ARHGAP10: variants seen among roughly 807,000 people sequenced by gnomAD.
ARHGAP10 encodes Rho GTPase activating protein 10, also known as rho GTPase-activating protein 10.
Under a neutral mutation model 108.6 loss-of-function variants are expected in ARHGAP10, and 87 were observed. The ratio of observed to expected loss-of-function variants is 0.80; its 90% CI spans 0.67 to 0.96. The LOEUF (loss-of-function observed/expected upper bound fraction) is 0.96. Among genes scored for constraint, ARHGAP10 ranks in the 40% least tolerant of loss-of-function variants. The probability of loss-of-function intolerance (pLI) is 0.00; values close to 1 mark genes in which losing one functional copy is unlikely to be tolerated. For missense variants in ARHGAP10, 939 were observed against 954.5 expected, an observed-to-expected ratio of 0.98 and a Z score of 0.21; for synonymous variants, 347 against 341.1, an observed-to-expected ratio of 1.02 and a Z score of -0.19.
chr4:147,782,477 C>T (rs1210733410), intron 1 of ARHGAP10: 2 of 152,182 alleles, frequency 1.3e-5, no homozygotes, highest in Non-Finnish European at 2.9e-5. Flanking sequence ...CAGAAAGAGT[C>T]GTCTTAACAT....
chr4:147,894,989 G>A (rs1057228504), intron 10 of ARHGAP10, among the ~76,000 whole-genome samples: 6 of 152,016 alleles, frequency 3.9e-5, no homozygotes, highest in African/African-American at 7.2e-5. Context: ...TAGGTCCTTG[G>A]TGTTTCCATA....
At chr4:147,811,200 C>T (rs2126772261) in intron 1 of ARHGAP10, among the ~76,000 whole-genome samples, 1 of 152,366 alleles carries the variant, frequency 6.6e-6, no homozygotes, top group African/African-American at 2.4e-5. Flanking sequence ...TCAGTCCCAC[C>T]CAAGTCAGAC....
At position 148,060,747 on chromosome 4, in the gene ARHGAP10, T is replaced by G. The variant is rs542702771; in HGVS notation, c.2028-2401T>G. Among the ~76,000 whole-genome samples, 4 of 152,324 alleles carry G rather than the reference T, an allele frequency of 2.6e-5. No homozygotes were observed. In the East Asian group the frequency reaches 7.7e-4, roughly 29 times the overall value. ...AAAGGAGTTACCTAGTAGAGGCTTC[T>G]GAGACACACCCAGGAAATCACATGC... is the stretch of plus-strand genomic sequence containing the variant. On this transcript the variant is annotated intron_variant, in intron 20 of 22. Coordinates refer to ENST00000336498, the MANE Select transcript of ARHGAP10 (RefSeq NM_024605.4).
At chr4:147,815,221 C>T (rs1732188939) in intron 1 of ARHGAP10, among the ~76,000 whole-genome samples, 1 of 152,186 alleles carries the variant, frequency 6.6e-6, no homozygotes. Context: ...TCCACTACTT[C>T]CTGGTTGTAT....
intron 1 of ARHGAP10, among the ~76,000 whole-genome samples, chr4:147,793,595 T>G (rs1313781207): frequency 6.6e-6 from 1 of 152,108 alleles, no homozygotes; most frequent in Non-Finnish European, 1.5e-5. Flanking sequence ...GAGTAGGGAA[T>G]AAAAGTACTC....
intron 3 of ARHGAP10, among the ~76,000 whole-genome samples, chr4:147,830,902 A>G (rs1732932008): frequency 6.6e-6 from 1 of 152,284 alleles, no homozygotes; most frequent in Non-Finnish European, 1.5e-5. Flanking sequence ...TATGATGGTT[A>G]AAATGAGTTA....
At chr4:148,063,385 G>A in intron 21 of ARHGAP10, 85 bp downstream of exon 21, 1 of 1,534,038 alleles carries the variant, frequency 6.5e-7, no homozygotes, top group Non-Finnish European at 8.8e-7. Context: ...TGTGTTCTCT[G>A]CTGGCAAAAG....
chr4:148,012,294 TG>T lies in ARHGAP10; in HGVS notation c.1717-10968del, dbSNP rs542690041. Among the ~76,000 whole-genome samples the T allele has an allele frequency of 2.1e-3, 313 of 152,348 alleles. 1 individual carries two copies. The Middle Eastern group carries it at 0.034, about 17-fold the overall frequency. ...GCTTTTGAGACATGGCTGCTATGTCTGAGAGGCAGTGAGTTCCAAACCAATA... is the reference window on the plus strand; with the variant it reads ...GCTTTTGAGACATGGCTGCTATGTCTAGAGGCAGTGAGTTCCAAACCAATA... On this transcript the variant is annotated intron_variant, in intron 18 of 22. Coordinates refer to ENST00000336498, the MANE Select transcript of ARHGAP10 (RefSeq NM_024605.4).
At chr4:147,982,365 CTTTTTTTTT>C (rs70958599) in intron 18 of ARHGAP10, among the ~76,000 whole-genome samples, 4 of 124,626 alleles carry the variant, frequency 3.2e-5, no homozygotes, top group Admixed American at 1.6e-4. Context: ...TTCTTTCTTT[CTTTTTTTTT>C]TTTTTTTCTT....
At chr4:148,059,448 A>G (rs905302491) in intron 20 of ARHGAP10, among the ~76,000 whole-genome samples, 3 of 152,176 alleles carry the variant, frequency 2.0e-5, no homozygotes, top group African/African-American at 4.8e-5. Flanking sequence ...TTAAAGGGAC[A>G]ACAAGAAAAA....
chr4:147,733,521 C>T (rs940592949), intron 1 of ARHGAP10, among the ~76,000 whole-genome samples: 2 of 152,162 alleles, frequency 1.3e-5, no homozygotes, highest in African/African-American at 4.8e-5. Flanking sequence ...CCTAGATTCT[C>T]AGTTCAGTAA....
chr4:147,828,227 A>G (rs773686142), intron 3 of ARHGAP10, among the ~76,000 whole-genome samples: 6 of 152,346 alleles, frequency 3.9e-5, no homozygotes, highest in South Asian at 2.1e-4. Flanking sequence ...TTAAAACTAC[A>G]TATGTCTATT....
intron 18 of ARHGAP10, among the ~76,000 whole-genome samples, chr4:148,021,348 A>C (rs948650484): frequency 7.2e-5 from 11 of 152,210 alleles, no homozygotes; most frequent in Non-Finnish European, 1.5e-4. Context: ...TGTTCCAGTC[A>C]GTATGATCCT....
chr4:147,854,152 T>C (rs1477794505), intron 4 of ARHGAP10, among the ~76,000 whole-genome samples: 1 of 152,240 alleles, frequency 6.6e-6, no homozygotes, highest in Non-Finnish European at 1.5e-5. Context: ...AGGTTTTGCA[T>C]GTGCAATTTT....
chr4:147,959,842 C>T (rs1342431084), intron 16 of ARHGAP10, among the ~76,000 whole-genome samples: 1 of 152,172 alleles, frequency 6.6e-6, no homozygotes, highest in South Asian at 2.1e-4. Flanking sequence ...AACTGTTTCT[C>T]TAGCTTCTGT....
At chr4:147,787,782 A>G (rs905338641) in intron 1 of ARHGAP10, among the ~76,000 whole-genome samples, 2 of 152,152 alleles carry the variant, frequency 1.3e-5, no homozygotes, top group Admixed American at 6.5e-5. Context: ...TGCACAGCCT[A>G]TGGAGTAGTA....
intron 3 of ARHGAP10, among the ~76,000 whole-genome samples, chr4:147,842,717 TTCC>T: frequency 6.6e-6 from 1 of 152,204 alleles, no homozygotes; most frequent in Non-Finnish European, 1.5e-5. Flanking sequence ...CCAGGGGGCC[TTCC>T]TCCTCTGCTC....
chr4:147,809,232 T>G (rs1015822012), intron 1 of ARHGAP10: 2 of 152,242 alleles, frequency 1.3e-5, no homozygotes, highest in African/African-American at 4.8e-5. Context: ...ACACCATTCC[T>G]TATTTAATTT....
At chr4:147,976,636 T>C (rs1356096251) in intron 18 of ARHGAP10, among the ~76,000 whole-genome samples, 14 of 152,150 alleles carry the variant, frequency 9.2e-5, no homozygotes, top group Admixed American at 2.0e-4. Flanking sequence ...CTGTCTTCCT[T>C]TCTCTTTCCT....
Sources: gnomAD v4.1 joint callset for allele counts (sites outside exome capture counted in the v4.1 genomes callset) on GRCh38, gnomAD v4.1.1 for gene constraint, MANE v1.5 for transcripts, NCBI Gene and HGNC (gene_info 2026-07-23, HGNC 2026-07-21) for gene names.